Variants in KLF12 observed in about 807,000 individuals in gnomAD.
KLF12 encodes KLF transcription factor 12.
In KLF12, 9 loss-of-function variants were observed where a neutral mutation model predicts 37.8. That is an observed-to-expected ratio of 0.24 (90% confidence interval 0.14 to 0.42). The LOEUF (loss-of-function observed/expected upper bound fraction) is 0.42, where lower values mean the gene tolerates loss of function less well. KLF12 is among the 10% of genes least tolerant of loss of function. KLF12 has a pLI of 1.00. For missense variants in KLF12, 411 were observed against 516.0 expected, an observed-to-expected ratio of 0.80 and a Z score of 1.97; for synonymous variants, 208 against 202.1, an observed-to-expected ratio of 1.03 and a Z score of -0.25.
chr13:74,135,994 C>T (rs1193624670), upstream of KLF12, among the ~76,000 whole-genome samples: 1 of 152,162 alleles, frequency 6.6e-6, no homozygotes, highest in Non-Finnish European at 1.5e-5. Flanking sequence ...TCTTGCCACT[C>T]CTAGGTTCTG....
At chr13:73,771,931 T>G (rs536413837) in intron 5 of KLF12, among the ~76,000 whole-genome samples, 4 of 152,212 alleles carry the variant, frequency 2.6e-5, no homozygotes, top group Non-Finnish European at 5.9e-5. Flanking sequence ...GCTAAGTTAC[T>G]CACCTAAGTA....
At chr13:73,974,942 G>A (rs935734376) in intron 2 of KLF12, among the ~76,000 whole-genome samples, 20 of 152,210 alleles carry the variant, frequency 1.3e-4, no homozygotes, top group African/African-American at 4.8e-4. Flanking sequence ...AGAGGATCAG[G>A]TAGAAAGTTC....
At chr13:74,204,539 C>G in the KLF12 span, among the ~76,000 whole-genome samples, 1 of 152,078 alleles carries the variant, frequency 6.6e-6, no homozygotes, top group African/African-American at 2.4e-5. Context: ...GGAAATCTGT[C>G]AACTCTAAAA....
chr13:73,828,183 T>G (rs543464756), intron 4 of KLF12, among the ~76,000 whole-genome samples: 1 of 152,314 alleles, frequency 6.6e-6, no homozygotes, highest in African/African-American at 2.4e-5. Flanking sequence ...CATCTGTTGG[T>G]GCCCAAAGTC....
At chr13:73,977,156 C>A (rs1044784701) in intron 2 of KLF12, among the ~76,000 whole-genome samples, 1 of 151,764 alleles carries the variant, frequency 6.6e-6, no homozygotes, top group Non-Finnish European at 1.5e-5. Context: ...GCTGAAGCAC[C>A]TCAGCCTCCT....
chr13:74,005,072 A>G (rs2147626), intron 1 of KLF12, among the ~76,000 whole-genome samples: 4,367 of 152,308 alleles, frequency 0.029, 212 homozygotes, highest in African/African-American at 0.099. Flanking sequence ...CTGTTACCCT[A>G]AACAACTATA....
At chr13:74,039,762 C>T (rs993419948) in intron 1 of KLF12, among the ~76,000 whole-genome samples, 1 of 152,192 alleles carries the variant, frequency 6.6e-6, no homozygotes, top group Non-Finnish European at 1.5e-5. Flanking sequence ...CTTCACACAT[C>T]TTTAGCCTCA....
chr13:74,117,862 AAAAG>A (rs771011427), intron 1 of KLF12, among the ~76,000 whole-genome samples: 7 of 152,070 alleles, frequency 4.6e-5, no homozygotes, highest in Non-Finnish European at 7.3e-5. Flanking sequence ...TCATGAAATA[AAAAG>A]AGAGACTAAG....
chr13:74,261,823 C>T, the KLF12 span, among the ~76,000 whole-genome samples: 2 of 152,274 alleles, frequency 1.3e-5, no homozygotes, highest in African/African-American at 4.8e-5. Flanking sequence ...CAGACACAAA[C>T]GTGTGTGTGG....
chr13:74,144,880 A>G, the KLF12 span, among the ~76,000 whole-genome samples: 5 of 152,180 alleles, frequency 3.3e-5, no homozygotes, highest in African/African-American at 1.2e-4. Context: ...AAAAGAAAAC[A>G]TCAGGTGAAA....
the KLF12 span, among the ~76,000 whole-genome samples, chr13:74,240,062 G>A: frequency 5.9e-5 from 9 of 152,026 alleles, no homozygotes; most frequent in South Asian, 2.1e-4. Context: ...ATTTTGGCAC[G>A]ATTTTGCAGC....
intron 1 of KLF12, among the ~76,000 whole-genome samples, chr13:74,106,427 A>C (rs1157243599): frequency 3.9e-5 from 6 of 152,206 alleles, no homozygotes; most frequent in Admixed American, 3.9e-4. Context: ...TACCATAATA[A>C]AATTCAGACC....
In KLF12 at chr13:73,845,869, T is replaced by C. The variant is rs774840041; in HGVS notation, c.628A>G (p.Ile210Val). ...CCATCCTCCAAAAGCGGCACGACAA[T>C]AGTGTTGTTCACATTTCCAGGTGAC... The change falls in exon 4 of 8, where the codon ATT (isoleucine) becomes GTT (valine). Residue 210 changes from isoleucine (I) to valine (V), a missense_variant. By Grantham distance (29) the Ile-to-Val change is conservative. This residue lies in a region of KLF12 where 351 missense variants were observed against 397.8 expected (regional missense o/e 0.88). Transcript: ENST00000377669. 1.7e-5 allele frequency: 27 copies of C among 1,614,030 alleles called. No individual in the cohort carries two copies. Among genetic ancestry groups the C allele is most frequent in the Non-Finnish European group, 2.2e-5 (26 of 1,179,996 alleles).
intron 5 of KLF12, among the ~76,000 whole-genome samples, chr13:73,769,623 A>T (rs1001885452): frequency 1.3e-5 from 2 of 152,064 alleles, no homozygotes; most frequent in African/African-American, 4.8e-5. Flanking sequence ...ACGACTCCCA[A>T]ATGTCTACCT....
chr13:73,865,730 A>G (rs1465982213), intron 3 of KLF12, among the ~76,000 whole-genome samples: 1 of 152,198 alleles, frequency 6.6e-6, no homozygotes, highest in African/African-American at 2.4e-5. Context: ...CTTTAAAATA[A>G]CAATCATAAA....
At chr13:73,882,004 A>G (rs1887006494) in intron 3 of KLF12, among the ~76,000 whole-genome samples, 1 of 152,228 alleles carries the variant, frequency 6.6e-6, no homozygotes, top group South Asian at 2.1e-4. Context: ...TGTCTACGAA[A>G]TGAACAGAAA....
At chr13:73,717,779 A>C (rs1875928208) in intron 6 of KLF12, among the ~76,000 whole-genome samples, 1 of 152,202 alleles carries the variant, frequency 6.6e-6, no homozygotes, top group African/African-American at 2.4e-5. Context: ...GAGTCAAAAC[A>C]GTGTGACTGG....
chr13:74,213,143 T>C, the KLF12 span, among the ~76,000 whole-genome samples: 1 of 152,208 alleles, frequency 6.6e-6, no homozygotes, highest in African/African-American at 2.4e-5. Flanking sequence ...TTTTATCTTA[T>C]ATTACTTTTT....
the KLF12 span, among the ~76,000 whole-genome samples, chr13:74,182,320 T>G: frequency 2.0e-5 from 3 of 152,254 alleles, no homozygotes; most frequent in Non-Finnish European, 4.4e-5. Context: ...GATTTACACG[T>G]GTAAGGCTAG....
Sources: gnomAD v4.1 joint callset for allele counts (sites outside exome capture counted in the v4.1 genomes callset) on GRCh38, gnomAD v4.1.1 for gene constraint, gnomAD v4.1.1 regional missense constraint, MANE v1.5 for transcripts, NCBI Gene and HGNC (gene_info 2026-07-23, HGNC 2026-07-21) for gene names.